The following LMNTD1 variants were observed in gnomAD, a reference collection of about 807,000 sequenced individuals.
LMNTD1 encodes the protein lamin tail domain-containing protein 1.
Under a neutral mutation model 50.9 loss-of-function variants are expected in LMNTD1, and 35 were observed. The ratio of observed to expected loss-of-function variants is 0.69; its 90% CI spans 0.53 to 0.91. The LOEUF (loss-of-function observed/expected upper bound fraction) is 0.91. Among genes scored for constraint, LMNTD1 ranks in the 40% least tolerant of loss-of-function variants. The pLI is 0.00. For missense variants in LMNTD1, 470 were observed against 475.5 expected (o/e 0.99, Z 0.11); for synonymous variants, 153 against 161.9 (o/e 0.94, Z 0.42).
At chr12:25,538,328 G>T (rs940390635) in intron 4 of LMNTD1, among the ~76,000 whole-genome samples, 1 of 150,590 alleles carries the variant, frequency 6.6e-6, no homozygotes, top group East Asian at 2.0e-4. Context: ...AGAGAGAAAG[G>T]TCGGGTTACC....
intron 4 of LMNTD1, among the ~76,000 whole-genome samples, chr12:25,535,813 C>A (rs1015513449): frequency 4.6e-5 from 7 of 152,022 alleles, no homozygotes; most frequent in Admixed American, 3.9e-4. Context: ...CAAGTCTCAA[C>A]TATATGCTAC....
intron 1 of LMNTD1, among the ~76,000 whole-genome samples, chr12:25,596,004 T>C (rs1395225207): frequency 6.6e-6 from 1 of 152,042 alleles, no homozygotes; most frequent in African/African-American, 2.4e-5. Context: ...GATGGATAAT[T>C]TCCTGGACAT....
At chr12:25,569,497 A>G (rs554010027) in intron 1 of LMNTD1, among the ~76,000 whole-genome samples, 1 of 152,212 alleles carries the variant, frequency 6.6e-6, no homozygotes, top group Non-Finnish European at 1.5e-5. Context: ...TGTTGGGAAG[A>G]GATTATTGTG....
At chr12:25,576,866 G>A (rs1235429005) in intron 1 of LMNTD1, among the ~76,000 whole-genome samples, 11 of 152,056 alleles carry the variant, frequency 7.2e-5, no homozygotes, top group Non-Finnish European at 1.2e-4. Flanking sequence ...ATTGATTTTT[G>A]TATAAGGTGT....
intron 1 of LMNTD1, among the ~76,000 whole-genome samples, chr12:25,564,398 A>G (rs1944465130): frequency 6.6e-6 from 1 of 152,142 alleles, no homozygotes. Context: ...AACTGGGATT[A>G]CAGGTGCCCA....
intron 9 of LMNTD1, among the ~76,000 whole-genome samples, chr12:25,492,351 T>A (rs1565938894): frequency 1.3e-5 from 2 of 152,248 alleles, no homozygotes. Flanking sequence ...TATAGCATAT[T>A]TTCATAGCGG....
chr12:25,508,754 G>A (rs1037677663), intron 8 of LMNTD1, among the ~76,000 whole-genome samples: 1 of 152,126 alleles, frequency 6.6e-6, no homozygotes, highest in African/African-American at 2.4e-5. Context: ...ATCATAAAGA[G>A]AATTCTTGTC....
intron 1 of LMNTD1, among the ~76,000 whole-genome samples, chr12:25,577,990 C>G (rs1187788756): frequency 6.6e-6 from 1 of 152,134 alleles, no homozygotes; most frequent in Non-Finnish European, 1.5e-5. Flanking sequence ...CCTACTAGCA[C>G]CTTGACTTCA....
chr12:25,484,045 A>G (rs1006170420), intron 9 of LMNTD1, among the ~76,000 whole-genome samples: 1 of 152,006 alleles, frequency 6.6e-6, no homozygotes, highest in Admixed American at 6.5e-5. Flanking sequence ...AGTGTATTTA[A>G]GTCACCCGGA....
chr12:25,648,382 G>T, intron 1 of LMNTD1: 2 of 813,554 alleles, frequency 2.5e-6, no homozygotes, highest in Non-Finnish European at 4.1e-6. Context: ...TTATATCTCA[G>T]TGATGACAGA....
intron 4 of LMNTD1, 61 bp from the exon 5 acceptor site, chr12:25,527,016 T>G: frequency 8.4e-7 from 1 of 1,197,116 alleles, no homozygotes; most frequent in Non-Finnish European, 1.2e-6. Flanking sequence ...TTGACTCACT[T>G]TAAGAAGTGA....
chr12:25,594,213 C>T (rs1318111231), intron 1 of LMNTD1, among the ~76,000 whole-genome samples: 2 of 152,164 alleles, frequency 1.3e-5, no homozygotes, highest in South Asian at 4.1e-4. Flanking sequence ...GCTCAAAGAA[C>T]ACCTGGGAAA....
At chr12:25,608,547 G>A (rs1382540328) in intron 1 of LMNTD1, among the ~76,000 whole-genome samples, 1 of 152,166 alleles carries the variant, frequency 6.6e-6, no homozygotes, top group African/African-American at 2.4e-5. Flanking sequence ...AAATCTCTCC[G>A]CATTTGCTTG....
At chr12:25,525,945 G>A (rs978950881) in intron 6 of LMNTD1, among the ~76,000 whole-genome samples, 154 bp downstream of exon 6, 1 of 151,574 alleles carries the variant, frequency 6.6e-6, no homozygotes, top group African/African-American at 2.4e-5. Flanking sequence ...ATAAGAACCT[G>A]ACAATAAAAT....
chr12:25,596,735 T>C (rs1263742237), intron 1 of LMNTD1, among the ~76,000 whole-genome samples: 1 of 151,980 alleles, frequency 6.6e-6, no homozygotes, highest in Non-Finnish European at 1.5e-5. Context: ...AAAAAACTCA[T>C]TGGTAATAGC....
chr12:25,542,282 T>C (rs985324277), intron 4 of LMNTD1, among the ~76,000 whole-genome samples: 8 of 151,984 alleles, frequency 5.3e-5, no homozygotes, highest in African/African-American at 1.2e-4. Context: ...GTATGTTTAT[T>C]GCGGCATTAT....
At chr12:25,547,419 G>T (rs1943499613) in intron 3 of LMNTD1, 1 of 151,720 alleles carries the variant, frequency 6.6e-6, no homozygotes. Flanking sequence ...GATCATGTAA[G>T]TGTCTAGCAT....
At position 25,518,963 on chromosome 12, in the gene LMNTD1, T is replaced by C. The variant is rs1294495430; in HGVS notation, c.1021A>G (p.Lys341Glu). ...GGGAAAACGGTTGGTGGGATTTCCT[T>C]CTCTCTGTAAAAGAAAAAAGCCTAA... is the stretch of plus-strand genomic sequence containing the variant. ...EQAQVLLKRE[K>E]EIPPTVFPNR... is the part of the protein sequence containing the mutation. The change falls in exon 8 of 10, where the codon AAG (lysine) becomes GAG (glutamate). Residue 341 changes from lysine (K) to glutamate (E), a missense_variant. Transcript: ENST00000458174. 1 of 1,613,952 alleles carries C rather than the reference T, an allele frequency of 6.2e-7. No homozygotes were observed.
At chr12:25,522,456 T>C (rs1938670847) in intron 6 of LMNTD1, among the ~76,000 whole-genome samples, 1 of 152,184 alleles carries the variant, frequency 6.6e-6, no homozygotes, top group Non-Finnish European at 1.5e-5. Flanking sequence ...CAAACTATTT[T>C]TAGTGCAATA....
Sources: gnomAD v4.1 joint callset for allele counts (sites outside exome capture counted in the v4.1 genomes callset) on GRCh38, gnomAD v4.1.1 for gene constraint, MANE v1.5 for transcripts, NCBI Gene and HGNC (gene_info 2026-07-23, HGNC 2026-07-21) for gene names.